ERV3-1: variants seen among roughly 807,000 people sequenced by gnomAD.
ERV3-1 encodes the protein endogenous retrovirus group 3 member 1, envelope.
ERV3-1 carries 36 observed loss-of-function variants against 24.6 expected under a neutral mutation model. The ratio of observed to expected loss-of-function variants is 1.47; its 90% CI spans 1.12 to 1.94. The LOEUF is 1.94. Among genes scored for constraint, ERV3-1 ranks in the 30% most tolerant of loss-of-function variants. The pLI is 0.00. For synonymous variants in ERV3-1, 211 were observed against 122.6 expected (o/e 1.72, Z -4.76); for missense variants, 578 against 330.9 (o/e 1.75, Z -5.79).
At chr7:64,993,588 A>G (rs1457039229) in intron 1 of ERV3-1, among the ~76,000 whole-genome samples, 174 bp from the exon 2 acceptor site, 1 of 152,162 alleles carries the variant, frequency 6.6e-6, no homozygotes, top group Non-Finnish European at 1.5e-5. Context: ...GACACTTCAC[A>G]TGGCTATCCC....
rs753944549 is a variant in ERV3-1 at position 64,992,741 on chromosome 7, C to T, written c.286G>A (p.Val96Ile). The T allele has an allele frequency of 2.6e-6, 2 of 766,438 alleles. No individual in the cohort carries two copies. Among genetic ancestry groups the T allele is most frequent in the Non-Finnish European group, 4.8e-6 (2 of 417,914 alleles). 47.5% of individuals were successfully genotyped at this position (766,438 alleles called of 1,614,324 possible). A position where few individuals can be genotyped will look rare whatever the true frequency, so the allele number is the denominator to read the frequency against. The change falls in exon 2 of 2, where the codon GTC (valine) becomes ATC (isoleucine). Residue 96 changes from valine to isoleucine, a missense_variant. Coordinates refer to ENST00000394323, the MANE Select transcript of ERV3-1 (RefSeq NM_001007253.4). Reference sequence around the variant, plus strand: ...AGAAGATCCCCTTCCTTTGACCCGACATGAATTTCAAACCAGGTCCCAGGT... The same window carrying T: ...AGAAGATCCCCTTCCTTTGACCCGATATGAATTTCAAACCAGGTCCCAGGT... ...SSPGTWFEIH[V>I]GSKEGDLLNQ...
Position 64,991,585 on chromosome 7 carries a change from T to C in ERV3-1, c.1442A>G (p.Asn481Ser), listed in dbSNP as rs4618579. ...RGITIGDWKD[N>S]EWPPERIIQY... Reference sequence around the variant, plus strand: ...AATTATTCTTTCAGGAGGCCATTCATTGTCCTTCCAATCTCCTATAGTTAT... The same window carrying C: ...AATTATTCTTTCAGGAGGCCATTCACTGTCCTTCCAATCTCCTATAGTTAT... Residue 481 changes from asparagine (N) to serine (S), a missense_variant, in exon 2 of 2, where the codon AAT (asparagine) becomes AGT (serine). By Grantham distance (46) the Asn-to-Ser change is conservative. Transcript: ENST00000394323. 0.94 allele frequency: 660,175 copies of C among 704,054 alleles called. 310,344 individuals are homozygous for C. Among genetic ancestry groups the C allele is most frequent in the South Asian group, 0.97 (65,530 of 67,608 alleles). 43.6% of individuals were successfully genotyped at this position (704,054 alleles called of 1,614,324 possible). A position where few individuals can be genotyped will look rare whatever the true frequency, so the allele number is the denominator to read the frequency against.
intron 1 of ERV3-1, among the ~76,000 whole-genome samples, chr7:64,998,159 T>G (rs1259888881): frequency 1.3e-5 from 2 of 152,172 alleles, no homozygotes; most frequent in African/African-American, 4.8e-5. Context: ...AGGAGGGGTT[T>G]CTATCTCCTC....
rs1786290254 is a variant in ERV3-1 at position 64,992,306 on chromosome 7, T to C, written c.721A>G (p.Lys241Glu). 1.3e-6 allele frequency: 1 copy of C among 766,130 alleles called. No homozygotes were observed. Among genetic ancestry groups the C allele is most frequent in the Non-Finnish European group, 2.4e-6 (1 of 417,868 alleles). 47.5% of individuals were successfully genotyped at this position (766,130 alleles called of 1,614,324 possible). A position where few individuals can be genotyped will look rare whatever the true frequency, so the allele number is the denominator to read the frequency against. Reference protein sequence around the residue: ...PGAYVYLYIIKKTRTRSTQQF... With the variant: ...PGAYVYLYIIEKTRTRSTQQF... Reference sequence around the variant, plus strand: ...TGGGTTGAGCGGGTCCGAGTTTTCTTTATGATATATAGATAGACATAGGCT... The same window carrying C: ...TGGGTTGAGCGGGTCCGAGTTTTCTCTATGATATATAGATAGACATAGGCT... Residue 241 changes from lysine to glutamate, a missense_variant, in exon 2 of 2, where the codon AAG (lysine) becomes GAG (glutamate). Transcript: ENST00000394323.
chr7:65,004,211 A>G (rs945005847), intron 1 of ERV3-1: 3 of 152,144 alleles, frequency 2.0e-5, no homozygotes, highest in Non-Finnish European at 4.4e-5. Flanking sequence ...AAATACAAAA[A>G]ATTAGCTGGT....
chr7:65,005,825 A>T (rs1186164663), intron 1 of ERV3-1, among the ~76,000 whole-genome samples: 1 of 152,222 alleles, frequency 6.6e-6, no homozygotes, highest in East Asian at 1.9e-4. Context: ...TTGCAAAAAA[A>T]TCTAACTCGA....
intron 1 of ERV3-1, among the ~76,000 whole-genome samples, chr7:64,997,967 T>G (rs1371736365): frequency 1.3e-5 from 2 of 152,332 alleles, no homozygotes; most frequent in Non-Finnish European, 2.9e-5. Context: ...GAGGGGCATC[T>G]GCCACACTCT....
chr7:65,004,683 G>A (rs893985906), intron 1 of ERV3-1: 4 of 148,244 alleles, frequency 2.7e-5, no homozygotes, highest in Admixed American at 1.3e-4. Context: ...TTAAAAAACA[G>A]ATGTGTTTGA....
In ERV3-1 at chr7:64,991,451, T is replaced by C. The variant is rs1786262735; in HGVS notation, c.1576A>G (p.Thr526Ala). The C allele has an allele frequency of 5.7e-6, 4 of 704,006 alleles. No individual in the cohort carries two copies. Among genetic ancestry groups the C allele is most frequent in the Admixed American group, 2.0e-5 (1 of 49,984 alleles). 43.6% of individuals were successfully genotyped at this position (704,006 alleles called of 1,614,324 possible). A position where few individuals can be genotyped will look rare whatever the true frequency, so the allele number is the denominator to read the frequency against. Residue 526 changes from threonine to alanine, a missense_variant, in exon 2 of 2, where the codon ACC (threonine) becomes GCC (alanine). Thr to Ala is a moderately conservative substitution (Grantham distance 58). Coordinates refer to ENST00000394323, the MANE Select transcript of ERV3-1 (RefSeq NM_001007253.4). ...IRLQAVLEII[T>A]NETAGALNLL... ...TTCAAGGCCCCTGCAGTTTCATTGG[T>C]AATGATTTCTAGTACTGCCTGCAAT...
chr7:64,998,250 C>T (rs1281931073), intron 1 of ERV3-1, among the ~76,000 whole-genome samples: 1 of 152,136 alleles, frequency 6.6e-6, no homozygotes, highest in Non-Finnish European at 1.5e-5. Flanking sequence ...TTTTCTTTTA[C>T]TTTAGGCTTG....
At chr7:64,997,667 A>T (rs1584065880) in intron 1 of ERV3-1, among the ~76,000 whole-genome samples, 1 of 152,104 alleles carries the variant, frequency 6.6e-6, no homozygotes. Context: ...CTTCTGGTGC[A>T]TTGTGTTCCA....
In ERV3-1 at chr7:64,992,417, T is replaced by C. The variant is rs1312892851; in HGVS notation, c.610A>G (p.Ile204Val). ...CATATGGGCTGATCTGGCTCTAAGA[T>C]GGTAAGATTTACAGAATTGCAAGTG... is the stretch of plus-strand genomic sequence containing the variant. The part of the protein sequence containing the change: ...TSTCNSVNLT[I>V]LEPDQPIWTT... Residue 204 changes from isoleucine (I) to valine (V), a missense_variant, in exon 2 of 2, where the codon ATC becomes GTC. By Grantham distance (29) the Ile-to-Val change is conservative (BLOSUM62 3). Coordinates refer to ENST00000394323, the MANE Select transcript of ERV3-1 (RefSeq NM_001007253.4). The C allele has an allele frequency of 1.3e-6, 1 of 766,430 alleles. No homozygotes were observed. Among genetic ancestry groups the C allele is most frequent in the East Asian group, 2.4e-5 (1 of 41,240 alleles). The allele number at this position is 766,430 out of a possible 1,614,324, so 47.5% of individuals were successfully genotyped here. A position where few individuals can be genotyped will look rare whatever the true frequency, so the allele number is the denominator to read the frequency against.
At chr7:64,995,013 A>C (rs1312613930) in intron 1 of ERV3-1, among the ~76,000 whole-genome samples, 2 of 152,224 alleles carry the variant, frequency 1.3e-5, no homozygotes, top group African/African-American at 4.8e-5. Flanking sequence ...CACTGTTGCC[A>C]CAGTCACGGA....
chr7:65,006,438 T>C, intron 1 of ERV3-1, 103 bp downstream of exon 1: 2 of 1,509,180 alleles, frequency 1.3e-6, no homozygotes, highest in Non-Finnish European at 1.8e-6. Flanking sequence ...GCCGCGGATT[T>C]TGGAGCCAGC....
At chr7:65,002,826 T>C (rs955019493) in intron 1 of ERV3-1, among the ~76,000 whole-genome samples, 3 of 152,196 alleles carry the variant, frequency 2.0e-5, no homozygotes, top group African/African-American at 7.2e-5. Flanking sequence ...CCTCTGACCT[T>C]CTAATCTTTT....
intron 1 of ERV3-1, among the ~76,000 whole-genome samples, chr7:64,994,064 G>T (rs1230240660): frequency 6.6e-6 from 1 of 152,114 alleles, no homozygotes; most frequent in Non-Finnish European, 1.5e-5. Flanking sequence ...AAAAGGTGTA[G>T]ACAAGTACTA....
intron 1 of ERV3-1, among the ~76,000 whole-genome samples, chr7:64,994,909 C>G (rs1786371987): frequency 1.3e-5 from 2 of 152,254 alleles, no homozygotes; most frequent in Admixed American, 6.5e-5. Context: ...CAGACCCCTT[C>G]CAGCACAAAA....
rs1341206702 is a variant in ERV3-1 at position 64,991,535 on chromosome 7, C to T, written c.1492G>A (p.Ala498Thr). Residue 498 changes from alanine to threonine, a missense_variant, in exon 2 of 2, where the codon GCA (alanine) becomes ACA (threonine). Physicochemically the swap from Ala to Thr is moderately conservative, Grantham distance 58. Coordinates refer to ENST00000394323, the MANE Select transcript of ERV3-1 (RefSeq NM_001007253.4). ...CGGTATCCCCACATTCCATCTTCTG[C>T]CCAGGTGGCTGGGCCATAATATTGA... The part of the protein sequence containing the change: ...IIQYYGPATW[A>T]EDGMWGYRTP... 1 of 704,012 alleles carries T rather than the reference C, an allele frequency of 1.4e-6. No homozygotes were observed. The highest frequency in any genetic ancestry group is 2.6e-6 in the Non-Finnish European group (1 of 385,014). 43.6% of individuals were successfully genotyped at this position (704,012 alleles called of 1,614,324 possible). A position where few individuals can be genotyped will look rare whatever the true frequency, so the allele number is the denominator to read the frequency against.
chr7:64,992,956 G>A lies in ERV3-1; in HGVS notation c.71C>T (p.Pro24Leu). 1.3e-6 allele frequency: 1 copy of A among 766,372 alleles called. No individual in the cohort carries two copies. The highest frequency in any genetic ancestry group is 1.3e-5 in the South Asian group (1 of 74,620). The allele number at this position is 766,372 out of a possible 1,614,324, so 47.5% of individuals were successfully genotyped here. A position where few individuals can be genotyped will look rare whatever the true frequency, so the allele number is the denominator to read the frequency against. Residue 24 changes from proline to leucine, a missense_variant, in exon 2 of 2, where the codon CCC (proline) becomes CTC (leucine). Pro to Leu is a moderately conservative substitution (Grantham distance 98). Coordinates refer to ENST00000394323, the MANE Select transcript of ERV3-1 (RefSeq NM_001007253.4). ...LLPLSMLKGEPWEGCLHCTHT... is the reference protein window; with the variant it reads ...LLPLSMLKGELWEGCLHCTHT... Reference sequence around the variant, plus strand: ...GGTGCAGTGGAGGCATCCCTCCCAGGGTTCTCCTTTTAACATGGATAAGGG... The same window carrying A: ...GGTGCAGTGGAGGCATCCCTCCCAGAGTTCTCCTTTTAACATGGATAAGGG...
Sources: allele counts gnomAD v4.1 joint callset (sites outside exome capture counted in the v4.1 genomes callset), GRCh38; gene constraint gnomAD v4.1.1; transcripts MANE v1.5; gene names NCBI Gene and HGNC (gene_info 2026-07-23, HGNC 2026-07-21).